KCNK2: variants seen among roughly 807,000 people sequenced by gnomAD.
KCNK2 encodes the protein potassium two pore domain channel subfamily K member 2.
A neutral mutation model predicts 40.5 loss-of-function variants in KCNK2; 21 were observed. The observed-to-expected ratio is 0.52, with a 90% CI of 0.37 to 0.75. KCNK2 has a LOEUF of 0.75. Among genes scored for constraint, KCNK2 ranks in the 30% least tolerant of loss-of-function variants. KCNK2 has a pLI of 0.00. For missense variants in KCNK2, 399 were observed against 531.6 expected (o/e 0.75, Z 2.45); for synonymous variants, 191 against 202.2 (o/e 0.94, Z 0.47).
chr1:215,167,730 C>T (rs768373802), intron 3 of KCNK2, among the ~76,000 whole-genome samples: 6 of 152,000 alleles, frequency 3.9e-5, no homozygotes, highest in African/African-American at 7.2e-5. Context: ...TGAATACTCT[C>T]GAATTAAGGC....
At chr1:215,155,169 C>T (rs1279087889) in intron 3 of KCNK2, among the ~76,000 whole-genome samples, 1 of 152,060 alleles carries the variant, frequency 6.6e-6, no homozygotes, top group Non-Finnish European at 1.5e-5. Context: ...CTACTTTCCC[C>T]ATCACTATTT....
intron 1 of KCNK2, among the ~76,000 whole-genome samples, chr1:215,051,317 T>C (rs750780815): frequency 2.0e-4 from 31 of 152,170 alleles, no homozygotes; most frequent in Non-Finnish European, 3.7e-4. Flanking sequence ...GATAAAGCAG[T>C]CACTCATATT....
chr1:215,149,231 G>C (rs994866598), intron 3 of KCNK2, among the ~76,000 whole-genome samples: 2 of 152,166 alleles, frequency 1.3e-5, no homozygotes, highest in Non-Finnish European at 2.9e-5. Context: ...TGGTAAGGAG[G>C]TCTGCCTCAT....
At chr1:215,103,180 G>A (rs964759923) in intron 2 of KCNK2, among the ~76,000 whole-genome samples, 1 of 151,824 alleles carries the variant, frequency 6.6e-6, no homozygotes, top group Non-Finnish European at 1.5e-5. Flanking sequence ...GATATAGGGA[G>A]AGAGGAGATG....
At chr1:215,144,868 A>G in intron 3 of KCNK2, among the ~76,000 whole-genome samples, 1 of 152,300 alleles carries the variant, frequency 6.6e-6, no homozygotes, top group South Asian at 2.1e-4. Context: ...AAATTATTAT[A>G]CCACTTACTA....
intron 1 of KCNK2, among the ~76,000 whole-genome samples, chr1:215,025,314 A>G (rs1656965317): frequency 6.6e-6 from 1 of 152,098 alleles, no homozygotes; most frequent in Non-Finnish European, 1.5e-5. Context: ...GTCAGAAAAT[A>G]TGCATACATA....
intron 3 of KCNK2, among the ~76,000 whole-genome samples, chr1:215,142,022 G>T (rs933016496): frequency 6.6e-6 from 1 of 151,592 alleles, no homozygotes; most frequent in Non-Finnish European, 1.5e-5. Flanking sequence ...CTTTTTTTCT[G>T]TAATTCTGGG....
At chr1:215,083,682 C>T (rs906211056) in intron 1 of KCNK2, 1 of 577,632 alleles carries the variant, frequency 1.7e-6, no homozygotes, top group Non-Finnish European at 3.1e-6. Flanking sequence ...TTTGGAACAC[C>T]TTGGGGGAGT....
intron 2 of KCNK2, among the ~76,000 whole-genome samples, chr1:215,112,270 C>T (rs1230113901): frequency 2.7e-5 from 4 of 150,934 alleles, no homozygotes; most frequent in African/African-American, 9.7e-5. Flanking sequence ...GTAGTATTGA[C>T]AATCCTGACC....
chr1:215,163,812 T>G (rs1571683867), intron 3 of KCNK2, among the ~76,000 whole-genome samples: 1 of 152,316 alleles, frequency 6.6e-6, no homozygotes, highest in East Asian at 1.9e-4. Flanking sequence ...GCTGCTGGAT[T>G]CAATTTGTCA....
At chr1:215,186,755 G>C (rs1054519319) in intron 5 of KCNK2, among the ~76,000 whole-genome samples, 2 of 152,142 alleles carry the variant, frequency 1.3e-5, no homozygotes, top group Non-Finnish European at 2.9e-5. Flanking sequence ...ATTGGTATCT[G>C]CTCCTTCCCG....
intron 1 of KCNK2, among the ~76,000 whole-genome samples, chr1:215,019,257 C>G (rs188669070): frequency 6.6e-6 from 1 of 152,286 alleles, no homozygotes; most frequent in East Asian, 1.9e-4. Context: ...AAATTGCTTA[C>G]TATTATACTT....
At chr1:215,224,595 A>G (rs1025439141) in intron 6 of KCNK2, among the ~76,000 whole-genome samples, 20 of 152,184 alleles carry the variant, frequency 1.3e-4, no homozygotes, top group Admixed American at 6.5e-5. Flanking sequence ...TTTTCTTTAA[A>G]TCATGTTACA....
intron 1 of KCNK2, among the ~76,000 whole-genome samples, chr1:215,024,982 T>G (rs1014424988): frequency 1.2e-4 from 18 of 148,686 alleles, no homozygotes; most frequent in African/African-American, 4.0e-4. Context: ...GATAAAACAG[T>G]GTTACACACA....
chr1:215,147,684 C>A (rs1478751217), intron 3 of KCNK2, among the ~76,000 whole-genome samples: 1 of 151,952 alleles, frequency 6.6e-6, no homozygotes, highest in African/African-American at 2.4e-5. Context: ...AAAACACAAA[C>A]ATTAGCTGGG....
At chr1:215,005,838 T>G, upstream of KCNK2, 1 of 1,279,400 alleles carries the variant, frequency 7.8e-7, no homozygotes, top group Non-Finnish European at 1.1e-6. Context: ...TGACTCTGTT[T>G]TGGAAATTAC....
intron 5 of KCNK2, among the ~76,000 whole-genome samples, chr1:215,189,343 T>C (rs1664571464): frequency 6.6e-6 from 1 of 152,226 alleles, no homozygotes; most frequent in Non-Finnish European, 1.5e-5. Context: ...AAGTAAATTG[T>C]ACTACATTCC....
intron 2 of KCNK2, among the ~76,000 whole-genome samples, chr1:215,103,163 C>T (rs1011805078): frequency 2.6e-5 from 4 of 151,752 alleles, no homozygotes; most frequent in African/African-American, 7.3e-5. Context: ...GTGTGTATCT[C>T]TGGGACGATA....
intron 2 of KCNK2, among the ~76,000 whole-genome samples, chr1:215,123,454 A>G (rs1392437367): frequency 6.6e-6 from 1 of 152,050 alleles, no homozygotes; most frequent in Non-Finnish European, 1.5e-5. Flanking sequence ...AATAAAAGCA[A>G]TGTAATTTAA....
Sources: gnomAD v4.1 joint callset for allele counts (sites outside exome capture counted in the v4.1 genomes callset) on GRCh38, gnomAD v4.1.1 for gene constraint, MANE v1.5 for transcripts, NCBI Gene and HGNC (gene_info 2026-07-23, HGNC 2026-07-21) for gene names.